Variants in RFX2 observed in about 807,000 individuals in gnomAD.
RFX2 encodes DNA-binding protein RFX2.
RFX2 carries 20 observed loss-of-function variants against 87.8 expected under a neutral mutation model. The ratio of observed to expected loss-of-function variants is 0.23; its 90% CI spans 0.16 to 0.33. RFX2 has a LOEUF of 0.33. RFX2 is among the 10% of genes least tolerant of loss of function. The pLI is 1.00. For synonymous variants in RFX2, 397 were observed against 431.3 expected (o/e 0.92, Z 0.98); for missense variants, 767 against 1,012.3 (o/e 0.76, Z 3.29).
At position 6,010,977 on chromosome 19, in the gene RFX2, G is replaced by A. The variant is rs746472988; in HGVS notation, c.900-726C>T. On this transcript the variant is annotated intron_variant, in intron 8 of 17. Coordinates refer to ENST00000303657, the MANE Select transcript of RFX2 (RefSeq NM_000635.4). This position sits in a 1 kb window ranked among gnomAD's most constrained non-coding sequence, Gnocchi z 5.0. The stretch of plus-strand genomic sequence containing the variant: ...ACTAAAAATACAAAATTAGCTGGGC[G>A]TGGTGGCGCATGCCTTTAATCCCAG... 2.0e-5 allele frequency among the ~76,000 whole-genome samples: 3 copies of A among 152,004 alleles called. No homozygotes were observed. The highest frequency in any genetic ancestry group is 6.6e-5 in the Admixed American group (1 of 15,242).
rs570372167 is a variant in RFX2 at position 6,088,014 on chromosome 19, G to T, written c.-9+22379C>A. 8.0e-4 allele frequency among the ~76,000 whole-genome samples: 121 copies of T among 152,104 alleles called. 1 individual carries two copies. In the South Asian group the frequency reaches 1.0e-2, roughly 13 times the overall value. ...CCCACTTCCAGAACTGGCTTAACCCGCCAGGAAGCCACAGTCCTCAAGGGA... is the reference window on the plus strand; with the variant it reads ...CCCACTTCCAGAACTGGCTTAACCCTCCAGGAAGCCACAGTCCTCAAGGGA... On this transcript the variant is annotated intron_variant, in intron 1 of 17. Transcript: ENST00000303657.
chr19:6,095,574 A>G (rs899054569), intron 1 of RFX2, among the ~76,000 whole-genome samples: 2 of 151,472 alleles, frequency 1.3e-5, no homozygotes, highest in African/African-American at 4.9e-5. Flanking sequence ...ACCCTGCTGG[A>G]GGTGGGGTAG....
At chr19:6,053,319 C>G (rs2087288899) in intron 1 of RFX2, among the ~76,000 whole-genome samples, 1 of 152,152 alleles carries the variant, frequency 6.6e-6, no homozygotes, top group African/African-American at 2.4e-5. Flanking sequence ...ATGAAAAGAT[C>G]AGTGGTTGCC....
chr19:6,043,510 C>T (rs993208340), intron 3 of RFX2, among the ~76,000 whole-genome samples: 5 of 152,354 alleles, frequency 3.3e-5, no homozygotes, highest in East Asian at 1.9e-4. Flanking sequence ...TGGCAAACTC[C>T]GGCCCTGAGG....
At chr19:6,094,383 G>C (rs2087991552) in intron 1 of RFX2, among the ~76,000 whole-genome samples, 1 of 152,150 alleles carries the variant, frequency 6.6e-6, no homozygotes, top group South Asian at 2.1e-4. Flanking sequence ...AGATCACTCA[G>C]GTGGCTTGGA....
intron 1 of RFX2, chr19:6,077,216 G>A (rs553188837): frequency 3.3e-4 from 50 of 152,348 alleles, no homozygotes; most frequent in African/African-American, 1.1e-3. Context: ...CAAAAGGAGA[G>A]GCCATTTGCC....
In RFX2 at chr19:6,101,293, A is replaced by T. The variant is rs2088123187; in HGVS notation, c.-9+9100T>A. ...GAAGCACATCTTTTAGTCTGTTTTC[A>T]GTGGGTCTGGAATTCCAAATATATT... On this transcript the variant is annotated intron_variant, in intron 1 of 17. Transcript: ENST00000303657. This position sits in a 1 kb window ranked among gnomAD's most constrained non-coding sequence, Gnocchi z 4.9. Among the ~76,000 whole-genome samples the T allele has an allele frequency of 6.6e-6, 1 of 152,206 alleles. No individual in the cohort carries two copies. Among genetic ancestry groups the T allele is most frequent in the Non-Finnish European group, 1.5e-5 (1 of 68,028 alleles).
At chr19:6,043,336 A>G (rs1249491393) in intron 3 of RFX2, among the ~76,000 whole-genome samples, 1 of 152,192 alleles carries the variant, frequency 6.6e-6, no homozygotes, top group African/African-American at 2.4e-5. Context: ...TGATCCTGCA[A>G]ACCTTCCTAG....
At chr19:6,088,176 G>C (rs1246591621) in intron 1 of RFX2, among the ~76,000 whole-genome samples, 3 of 140,876 alleles carry the variant, frequency 2.1e-5, no homozygotes, top group African/African-American at 7.7e-5. Flanking sequence ...GAAAGACAAA[G>C]AAGAATGCCA....
intron 1 of RFX2, among the ~76,000 whole-genome samples, chr19:6,088,606 C>A (rs1269759929): frequency 6.6e-6 from 1 of 152,068 alleles, no homozygotes; most frequent in African/African-American, 2.4e-5. Flanking sequence ...TCTTTAATTA[C>A]AACAAACTGG....
intron 6 of RFX2, among the ~76,000 whole-genome samples, chr19:6,025,359 C>A (rs2086873389): frequency 6.6e-6 from 1 of 152,156 alleles, no homozygotes; most frequent in Admixed American, 6.5e-5. Flanking sequence ...GGAGAAAAAT[C>A]CTAGACGCTA....
chr19:6,076,175 A>T (rs898331335), intron 1 of RFX2, among the ~76,000 whole-genome samples: 2 of 152,104 alleles, frequency 1.3e-5, no homozygotes, highest in Non-Finnish European at 2.9e-5. Context: ...CCCCATCTCT[A>T]CTAAAAAATA....
At chr19:6,008,359 CTTTCTTTTTCTT>C (rs1236900377) in intron 9 of RFX2, 135 bp from the exon 10 acceptor site, 1 of 475,054 alleles carries the variant, frequency 2.1e-6, no homozygotes, top group Admixed American at 3.8e-5. Context: ...TTTGTTTTTT[CTTTCTTTTTCTT>C]TTTCTTTTTT....
intron 1 of RFX2, among the ~76,000 whole-genome samples, chr19:6,103,294 G>T (rs1416932757): frequency 6.6e-6 from 1 of 152,102 alleles, no homozygotes; most frequent in Non-Finnish European, 1.5e-5. Context: ...GAAAGTCATG[G>T]AATTCACAAA....
chr19:6,007,575 G>C lies in RFX2; in HGVS notation c.1247+115C>G. ...AAAAATTACAGGGATGGAGGCAGAGGGGTCTGAACCCTGATTCTTGGAGAG... is the reference window on the plus strand; with the variant it reads ...AAAAATTACAGGGATGGAGGCAGAGCGGTCTGAACCCTGATTCTTGGAGAG... On this transcript the variant is annotated intron_variant, in intron 11 of 17. Coordinates refer to ENST00000303657, the MANE Select transcript of RFX2 (RefSeq NM_000635.4). This position sits in a 1 kb window ranked among gnomAD's most constrained non-coding sequence, Gnocchi z 8.2. 1 of 651,660 alleles carries C rather than the reference G, an allele frequency of 1.5e-6. No individual in the cohort carries two copies. 40.4% of individuals were successfully genotyped at this position (651,660 alleles called of 1,614,324 possible).
In RFX2 at chr19:6,044,856, C is replaced by T. The variant is rs1487808336; in HGVS notation, c.91-574G>A. ...CTACAGAATACTCGAGTCCAGGTGC[C>T]CTGTGTCTGGGTCCCTCGCTCTCTG... On this transcript the variant is annotated intron_variant, in intron 2 of 17. Coordinates refer to ENST00000303657, the MANE Select transcript of RFX2 (RefSeq NM_000635.4). The surrounding 1 kb of genome is among the most constrained non-coding windows in gnomAD (Gnocchi z 5.3). Among the ~76,000 whole-genome samples the T allele has an allele frequency of 6.6e-6, 1 of 152,190 alleles. No individual in the cohort carries two copies. The highest frequency in any genetic ancestry group is 2.1e-4 in the South Asian group (1 of 4,830).
chr19:6,042,621 C>G (rs887990018), intron 3 of RFX2, among the ~76,000 whole-genome samples: 1 of 152,234 alleles, frequency 6.6e-6, no homozygotes, highest in African/African-American at 2.4e-5. Context: ...CCCAACACCC[C>G]CCGTGGGTGG....
At position 6,092,253 on chromosome 19, in the gene RFX2, A is replaced by G. The variant is rs554741805; in HGVS notation, c.-9+18140T>C. On this transcript the variant is annotated intron_variant, in intron 1 of 17. Coordinates refer to ENST00000303657, the MANE Select transcript of RFX2 (RefSeq NM_000635.4). ...AACAGCAAGGAAGACATTCAAGAAC[A>G]GGATCTAGTGGCTGCACAACTGAGC... Among the ~76,000 whole-genome samples, 7 of 152,356 alleles carry G rather than the reference A, an allele frequency of 4.6e-5. No individual in the cohort carries two copies. In the South Asian group the frequency reaches 1.4e-3, roughly 32 times the overall value.
At chr19:6,094,087 T>C (rs1320272791) in intron 1 of RFX2, among the ~76,000 whole-genome samples, 2 of 152,120 alleles carry the variant, frequency 1.3e-5, no homozygotes, top group East Asian at 3.8e-4. Flanking sequence ...TTCTGCGGCA[T>C]GTGAATTACA....
Sources: allele counts gnomAD v4.1 joint callset (sites outside exome capture counted in the v4.1 genomes callset), GRCh38; gene constraint gnomAD v4.1.1; non-coding constraint Gnocchi (gnomAD v3.1); transcripts MANE v1.5; gene names NCBI Gene and HGNC (gene_info 2026-07-23, HGNC 2026-07-21).